Variants in LARGE1 observed in about 807,000 individuals in gnomAD.
The protein encoded by LARGE1 is xylosyl- and glucuronyltransferase LARGE1.
Under a neutral mutation model 87.6 loss-of-function variants are expected in LARGE1, and 43 were observed. The ratio of observed to expected loss-of-function variants is 0.49; its 90% confidence interval spans 0.38 to 0.63. LARGE1 has a LOEUF of 0.63. LARGE1 is among the 30% of genes least tolerant of loss of function. The pLI, the probability that LARGE1 is intolerant of heterozygous loss-of-function variation, is 0.00. For missense variants in LARGE1, 802 were observed against 1,000.2 expected (o/e 0.80, Z 2.67); for synonymous variants, 434 against 394.6 (o/e 1.10, Z -1.18).
intron 7 of LARGE1, among the ~76,000 whole-genome samples, chr22:33,406,526 T>C (rs2066106787): frequency 6.6e-6 from 1 of 152,066 alleles, no homozygotes; most frequent in Non-Finnish European, 1.5e-5. Flanking sequence ...ACACCCTCAC[T>C]GTTTGTCTGC....
rs901226097 is a variant in LARGE1, at chr22:33,900,312, C to T, written c.-83+19683G>A. 2.1e-3 allele frequency among the ~76,000 whole-genome samples: 316 copies of T among 152,310 alleles called. 3 individuals carry two copies. The highest frequency in any genetic ancestry group is 7.2e-4 in the Admixed American group (11 of 15,302). On this transcript the variant is annotated intron_variant, in intron 1 of 14. Transcript: ENST00000397394. The stretch of plus-strand genomic sequence containing the variant: ...GCAAGCCCAGCCCCGGCTCACTCTA[C>T]GTTTCCACCAAACACACAGCTCAGG...
At chr22:33,351,806 A>T (rs1399596422) in intron 9 of LARGE1, among the ~76,000 whole-genome samples, 4 of 151,842 alleles carry the variant, frequency 2.6e-5, no homozygotes, top group East Asian at 3.9e-4. Flanking sequence ...CAGTGGTGCA[A>T]TCTTGGCTCA....
chr22:33,842,569 C>T (rs936607506), intron 1 of LARGE1, among the ~76,000 whole-genome samples: 2 of 152,264 alleles, frequency 1.3e-5, no homozygotes, highest in Non-Finnish European at 2.9e-5. Context: ...TCTACCAAAA[C>T]GAAGCAAGCC....
chr22:33,627,411 C>T (rs968603911), intron 3 of LARGE1, among the ~76,000 whole-genome samples: 42 of 152,232 alleles, frequency 2.8e-4, no homozygotes, highest in African/African-American at 1.0e-3. Context: ...TGCCTCTTAA[C>T]ACCCACTCCA....
chr22:33,785,247 A>ATACATACATATGTGTG (rs1569446128), intron 1 of LARGE1, among the ~76,000 whole-genome samples: 19 of 151,678 alleles, frequency 1.3e-4, no homozygotes, highest in African/African-American at 4.4e-4. Context: ...ACATATGTGT[A>ATACATACATATGTGTG]TATATGCATG....
At chr22:33,271,843 T>G (rs1928266913), downstream of LARGE1, among the ~76,000 whole-genome samples, 1 of 152,210 alleles carries the variant, frequency 6.6e-6, no homozygotes, top group East Asian at 1.9e-4. Context: ...CAGCCTTCAG[T>G]GAGATTGGCT....
intron 6 of LARGE1, among the ~76,000 whole-genome samples, chr22:33,469,543 G>C (rs1031515187): frequency 6.6e-6 from 1 of 152,108 alleles, no homozygotes; most frequent in Admixed American, 6.6e-5. Context: ...AAGAGAATAA[G>C]GATAGAAAAA....
intron 10 of LARGE1, among the ~76,000 whole-genome samples, chr22:33,329,906 T>C (rs1029324015): frequency 2.6e-5 from 4 of 152,112 alleles, no homozygotes; most frequent in African/African-American, 9.7e-5. Context: ...TGTTTCTAAA[T>C]AGCAAACTGA....
At chr22:33,276,940 C>G in intron 14 of LARGE1, 120 bp downstream of exon 14, 1 of 969,668 alleles carries the variant, frequency 1.0e-6, no homozygotes, top group Non-Finnish European at 1.6e-6. Context: ...ACCACTGGTC[C>G]TCAAGCATAT....
intron 11 of LARGE1, among the ~76,000 whole-genome samples, chr22:33,206,372 G>C (rs140784275): frequency 2.6e-5 from 4 of 152,140 alleles, no homozygotes; most frequent in Non-Finnish European, 5.9e-5. Context: ...GATTACAGGC[G>C]TGAGCCACCG....
chr22:33,576,435 G>A (rs1004564498), intron 5 of LARGE1, among the ~76,000 whole-genome samples: 3 of 152,136 alleles, frequency 2.0e-5, no homozygotes, highest in African/African-American at 7.2e-5. Context: ...AGCTGTCAGG[G>A]TGGTGGTTTA....
At chr22:33,907,351 C>A (rs1236388492) in intron 1 of LARGE1, among the ~76,000 whole-genome samples, 2 of 152,212 alleles carry the variant, frequency 1.3e-5, no homozygotes, top group East Asian at 3.9e-4. Context: ...AGTCTTTAGG[C>A]ACTGCTGCTA....
intron 6 of LARGE1, among the ~76,000 whole-genome samples, chr22:33,545,419 A>AACACACACACAC (rs55754949): frequency 0.042 from 6,108 of 143,916 alleles, 156 homozygotes; most frequent in Non-Finnish European, 0.048. Context: ...ACACCCAGCT[A>AACACACACACAC]ACACACACAC....
intron 6 of LARGE1, among the ~76,000 whole-genome samples, chr22:33,550,062 G>A (rs2077477810): frequency 6.6e-6 from 1 of 151,906 alleles, no homozygotes; most frequent in East Asian, 1.9e-4. Flanking sequence ...TAGTTAATGG[G>A]TGCAGCAAAC....
At chr22:33,524,109 G>A (rs1035602841) in intron 6 of LARGE1, among the ~76,000 whole-genome samples, 3 of 151,922 alleles carry the variant, frequency 2.0e-5, no homozygotes, top group Admixed American at 6.6e-5. Flanking sequence ...TGACTGACAC[G>A]GTGAAACCCT....
intron 1 of LARGE1, among the ~76,000 whole-genome samples, chr22:33,893,914 T>A (rs2065068034): frequency 6.6e-6 from 1 of 152,160 alleles, no homozygotes; most frequent in African/African-American, 2.4e-5. Flanking sequence ...TCCGCCCCTT[T>A]CACTACATGT....
At chr22:33,760,950 C>A (rs114098508) in intron 2 of LARGE1, among the ~76,000 whole-genome samples, 3,727 of 151,986 alleles carry the variant, frequency 0.025, 156 homozygotes, top group African/African-American at 0.084. Flanking sequence ...AACAAAAAAA[C>A]CAGACAAACA....
chr22:33,474,055 C>T (rs1245106765), intron 6 of LARGE1, among the ~76,000 whole-genome samples: 2 of 152,326 alleles, frequency 1.3e-5, no homozygotes, highest in East Asian at 3.9e-4. Context: ...CACAGGATCA[C>T]ATATTTCACA....
At chr22:33,363,501 C>T (rs150941442) in intron 9 of LARGE1, among the ~76,000 whole-genome samples, 5 of 149,366 alleles carry the variant, frequency 3.3e-5, no homozygotes, top group Non-Finnish European at 4.5e-5. Context: ...AAATCACCCC[C>T]GTGATTCAAT....
Sources: gnomAD v4.1 joint callset for allele counts (sites outside exome capture counted in the v4.1 genomes callset) on GRCh38, gnomAD v4.1.1 for gene constraint, MANE v1.5 for transcripts, NCBI Gene and HGNC (gene_info 2026-07-23, HGNC 2026-07-21) for gene names.